CLSPN: variants seen among roughly 807,000 people sequenced by gnomAD.
The protein encoded by CLSPN is claspin homolog.
CLSPN carries 85 observed loss-of-function variants against 156.3 expected under a neutral mutation model. The ratio of observed to expected loss-of-function variants is 0.54; its 90% confidence interval spans 0.46 to 0.65. The LOEUF (loss-of-function observed/expected upper bound fraction) is 0.65, where lower values mean the gene tolerates loss of function less well. CLSPN is among the 30% of genes least tolerant of loss of function. The pLI is 0.00. For synonymous variants in CLSPN, 534 were observed against 542.4 expected (o/e 0.98, Z 0.22); for missense variants, 1,407 against 1,554.9 (o/e 0.90, Z 1.60).
chr1:35,762,092 G>C (rs764507778), intron 5 of CLSPN, 22 bp from the exon 6 acceptor site: 5 of 1,509,086 alleles, frequency 3.3e-6, no homozygotes, highest in South Asian at 1.1e-5. Flanking sequence ...CAAGAAGTGA[G>C]ACTACATTAA....
At chr1:35,741,973 C>CAAAAAAAAAA (rs767602385) in intron 18 of CLSPN, among the ~76,000 whole-genome samples, 2 of 55,664 alleles carry the variant, frequency 3.6e-5, no homozygotes, top group African/African-American at 9.7e-5. Flanking sequence ...GACTCCGTCT[C>CAAAAAAAAAA]AAAAAAAAAA....
At chr1:35,739,595 G>A (rs970145535) in intron 18 of CLSPN, 66 bp from the exon 19 acceptor site, 2 of 1,243,548 alleles carry the variant, frequency 1.6e-6, no homozygotes, top group African/African-American at 3.0e-5. Context: ...TGGAAGCAAA[G>A]AAAAGCAGAA....
chr1:35,738,715 T>G (rs1641573920), intron 20 of CLSPN, 133 bp from the exon 21 acceptor site: 1 of 850,180 alleles, frequency 1.2e-6, no homozygotes, highest in African/African-American at 1.7e-5. Flanking sequence ...AGAAAACAGT[T>G]ACAACTAGGT....
chr1:35,750,369 A>C lies in CLSPN; in HGVS notation c.2029-558T>G, dbSNP rs139493010. Among the ~76,000 whole-genome samples the C allele has an allele frequency of 5.8e-3, 888 of 151,930 alleles. 10 individuals carry two copies. Among genetic ancestry groups the C allele is most frequent in the African/African-American group, 0.02 (844 of 41,520 alleles). ...TAAATAAATAAAATAAAATAAAATA[A>C]AGTGATCCCAGCATACAAAAAGGAA... On this transcript the variant is annotated intron_variant, in intron 10 of 24. Transcript: ENST00000318121.
rs144826406 is a variant in CLSPN at position 35,722,158 on chromosome 1, A to T, written c.3910-1178T>A. ...TGTCTCAAAAAAAAAAAATTAAAATAAAATAAATAAAGCCTATATCGTGCT... is the reference window on the plus strand; with the variant it reads ...TGTCTCAAAAAAAAAAAATTAAAATTAAATAAATAAAGCCTATATCGTGCT... On this transcript the variant is annotated intron_variant, in intron 24 of 24. Transcript: ENST00000251195. 4.7e-4 allele frequency among the ~76,000 whole-genome samples: 71 copies of T among 152,014 alleles called. No homozygotes were observed. The Middle Eastern group carries it at 0.017, about 36-fold the overall frequency.
chr1:35,720,935 G>A (rs1340390341), exon 25 of CLSPN: 1 of 1,612,154 alleles, frequency 6.2e-7, no homozygotes, highest in Non-Finnish European at 8.5e-7. Flanking sequence ...CCAGGGATAG[G>A]AGCTCCACTC....
Position 35,765,296 on chromosome 1 carries a change from T to C in CLSPN, c.55A>G (p.Ile19Val), listed in dbSNP as rs768188435. The part of the protein sequence containing the change: ...VHLEINDPNV[I>V]SQEEADSPSD... Reference sequence around the variant, plus strand: ...GGACTATCTGCTTCCTCTTGTGAAATGACGTTTGGGTCATTGATTTCTAGG... The same window carrying C: ...GGACTATCTGCTTCCTCTTGTGAAACGACGTTTGGGTCATTGATTTCTAGG... The change falls in exon 2 of 25, where the codon ATT becomes GTT. Residue 19 changes from isoleucine to valine, a missense_variant. This residue lies in a region of CLSPN where 1,096 missense variants were observed against 1,193.0 expected (regional missense o/e 0.92). Coordinates refer to ENST00000318121, the MANE Select transcript of CLSPN (RefSeq NM_022111.4). The C allele has an allele frequency of 2.5e-6, 4 of 1,613,872 alleles. No individual in the cohort carries two copies. Among genetic ancestry groups the C allele is most frequent in the Non-Finnish European group, 3.4e-6 (4 of 1,179,884 alleles).
At chr1:35,738,233 C>T (rs1641550546) in intron 21 of CLSPN, 136 bp from the exon 22 acceptor site, 2 of 630,672 alleles carry the variant, frequency 3.2e-6, no homozygotes, top group East Asian at 6.2e-5. Context: ...TTTTTGCAGC[C>T]TTTGCTGCTT....
At chr1:35,769,587 T>A (rs945945442) in intron 1 of CLSPN, among the ~76,000 whole-genome samples, 3 of 152,158 alleles carry the variant, frequency 2.0e-5, no homozygotes, top group Non-Finnish European at 1.5e-5. Context: ...GGGGCTGGGC[T>A]GCCGGCAGTG....
intron 5 of CLSPN, 114 bp from the exon 6 acceptor site, chr1:35,762,184 ATGAG>A (rs1279166278): frequency 1.4e-5 from 12 of 869,512 alleles, no homozygotes; most frequent in Non-Finnish European, 2.0e-5. Context: ...AATAGTAAGC[ATGAG>A]TAAGCCCAAA....
chr1:35,760,753 TGATCTGGGTTTCC>T lies in CLSPN; in HGVS notation c.1155_1167del (p.Glu386LeufsTer13). 6.2e-7 allele frequency: 1 copy of T among 1,614,004 alleles called. No homozygotes were observed. The highest frequency in any genetic ancestry group is 1.1e-5 in the South Asian group (1 of 91,090). ...CTGCAAGACTCATCTGATCCAGTAA[TGATCTGGGTTTCC>T]TTTGAAACTACAGGGAGTGCATTAG... On this transcript the variant is annotated frameshift_variant, in exon 8 of 25. Coordinates refer to ENST00000318121, the MANE Select transcript of CLSPN (RefSeq NM_022111.4). LOFTEE classifies it high-confidence loss of function.
At chr1:35,768,245 G>A (rs549420631) in intron 1 of CLSPN, among the ~76,000 whole-genome samples, 4 of 152,208 alleles carry the variant, frequency 2.6e-5, no homozygotes, top group East Asian at 1.9e-4. Context: ...GTGTGTGCCT[G>A]TAGTCCCAGC....
At chr1:35,758,914 G>A (rs187124237) in intron 8 of CLSPN, among the ~76,000 whole-genome samples, 26 of 151,636 alleles carry the variant, frequency 1.7e-4, no homozygotes, top group African/African-American at 6.3e-4. Flanking sequence ...AACTACAGGT[G>A]TGCACCACTG....
intron 18 of CLSPN, among the ~76,000 whole-genome samples, chr1:35,741,808 A>C (rs573646189): frequency 5.9e-5 from 9 of 151,596 alleles, no homozygotes; most frequent in African/African-American, 2.2e-4. Context: ...CCCCGTCTCT[A>C]CTAAATATAC....
At chr1:35,763,543 A>AGTAGTTGGGACTAC (rs1642558124) in intron 3 of CLSPN, among the ~76,000 whole-genome samples, 1 of 148,210 alleles carries the variant, frequency 6.7e-6, no homozygotes, top group African/African-American at 2.6e-5. Flanking sequence ...ATAAACAGTA[A>AGTAGTTGGGACTAC]ATATTTTTTT....
chr1:35,722,753 T>A (rs1461231846), intron 24 of CLSPN, among the ~76,000 whole-genome samples: 3 of 152,064 alleles, frequency 2.0e-5, no homozygotes, highest in African/African-American at 7.2e-5. Context: ...TGCCTCAGCC[T>A]CCTGAGTAGC....
intron 8 of CLSPN, among the ~76,000 whole-genome samples, chr1:35,758,808 T>TTC (rs963890060): frequency 6.6e-6 from 1 of 150,842 alleles, no homozygotes; most frequent in Non-Finnish European, 1.5e-5. Flanking sequence ...TTTCTTTTTT[T>TTC]TTTTTTTTGA....
At chr1:35,748,806 G>T in intron 12 of CLSPN, 5 of 506,358 alleles carry the variant, frequency 9.9e-6, no homozygotes, top group Middle Eastern at 4.1e-4. Context: ...TGAGCTAAGT[G>T]ACACTTGAAA....
chr1:35,762,449 A>G lies in CLSPN; in HGVS notation c.777T>C (p.His259=), dbSNP rs1642512825. Residue 259 remains histidine (H), a synonymous_variant, in exon 5 of 25, where the codon CAT becomes CAC. Transcript: ENST00000318121. The part of the protein sequence containing the change: ...KKEPSLESGV[H]SFEEGSELSK... ...ATAACTCACTTCCTTCCTCAAATGA[A>G]TGGACCCCACTCTCCAAAGATGGTT... 2 of 1,613,976 alleles carry G rather than the reference A, an allele frequency of 1.2e-6. No individual in the cohort carries two copies. Among genetic ancestry groups the G allele is most frequent in the Non-Finnish European group, 1.7e-6 (2 of 1,179,920 alleles).
Sources: gnomAD v4.1 joint callset for allele counts (sites outside exome capture counted in the v4.1 genomes callset) on GRCh38, gnomAD v4.1.1 for gene constraint, gnomAD v4.1.1 regional missense constraint, MANE v1.5 for transcripts, NCBI Gene and HGNC (gene_info 2026-07-23, HGNC 2026-07-21) for gene names.